THSD7A: variants seen among roughly 807,000 people sequenced by gnomAD.
THSD7A encodes the protein thrombospondin type 1 domain containing 7A, also known as thrombospondin type-1 domain-containing protein 7A.
THSD7A carries 96 observed loss-of-function variants against 231.3 expected under a neutral mutation model. The observed-to-expected ratio is 0.41, with a 90% confidence interval of 0.35 to 0.49. The LOEUF (loss-of-function observed/expected upper bound fraction) is 0.49. Ranked by LOEUF, THSD7A falls within the 20% of genes least tolerant of loss-of-function variation. The pLI, the probability that THSD7A is intolerant of heterozygous loss-of-function variation, is 0.05. For synonymous variants in THSD7A, 940 were observed against 743.3 expected (o/e 1.26, Z -4.30); for missense variants, 2,290 against 2,070.2 (o/e 1.11, Z -2.06).
In THSD7A at chr7:11,704,604, C is replaced by T. The variant is rs560016451; in HGVS notation, c.191-67643G>A. On this transcript the variant is annotated intron_variant, in intron 1 of 27. Coordinates refer to ENST00000423059, the MANE Select transcript of THSD7A (RefSeq NM_015204.3). ...GTGTTTCATAAAGGAGCATTTTTGCCAAGGGACCTTTGGAGAATATTTCTA... is the reference window on the plus strand; with the variant it reads ...GTGTTTCATAAAGGAGCATTTTTGCTAAGGGACCTTTGGAGAATATTTCTA... 2.7e-5 allele frequency among the ~76,000 whole-genome samples: 4 copies of T among 150,850 alleles called. No individual in the cohort carries two copies. The South Asian group carries it at 8.3e-4, about 31-fold the overall frequency.
intron 1 of THSD7A, among the ~76,000 whole-genome samples, chr7:11,758,938 T>C (rs1185907679): frequency 6.6e-6 from 1 of 152,078 alleles, no homozygotes; most frequent in Non-Finnish European, 1.5e-5. Flanking sequence ...CAGGCTGAAA[T>C]TGTTCTGCAG....
intron 2 of THSD7A, among the ~76,000 whole-genome samples, chr7:11,608,528 A>C (rs193298290): frequency 3.7e-4 from 56 of 152,264 alleles, no homozygotes; most frequent in Admixed American, 3.5e-3. Context: ...CGTTCACCTG[A>C]CCTGACCATT....
chr7:11,672,800 A>G (rs1298965998), intron 1 of THSD7A, among the ~76,000 whole-genome samples: 1 of 152,198 alleles, frequency 6.6e-6, no homozygotes, highest in Non-Finnish European at 1.5e-5. Context: ...AAATTCATCA[A>G]TCTTTTTTTC....
intron 2 of THSD7A, among the ~76,000 whole-genome samples, chr7:11,635,648 G>C (rs1463665354): frequency 6.6e-6 from 1 of 152,068 alleles, no homozygotes; most frequent in Non-Finnish European, 1.5e-5. Flanking sequence ...CAATGTGCAA[G>C]AAAATTATTC....
intron 23 of THSD7A, among the ~76,000 whole-genome samples, chr7:11,395,940 A>G (rs898523609): frequency 1.3e-5 from 2 of 152,000 alleles, no homozygotes; most frequent in Admixed American, 1.3e-4. Flanking sequence ...CATAACAAAC[A>G]GTCTCTCAGA....
intron 1 of THSD7A, among the ~76,000 whole-genome samples, chr7:11,694,612 T>C (rs1780332851): frequency 6.6e-6 from 1 of 151,488 alleles, no homozygotes; most frequent in South Asian, 2.1e-4. Flanking sequence ...TTTTGAAGGA[T>C]TGTTCATTAC....
At chr7:11,415,480 T>C (rs572411818) in intron 17 of THSD7A, among the ~76,000 whole-genome samples, 36 of 152,324 alleles carry the variant, frequency 2.4e-4, no homozygotes, top group African/African-American at 8.7e-4. Context: ...ATGCTATCAA[T>C]CACAAGCTTA....
Position 11,424,898 on chromosome 7 carries a change from A to G in THSD7A, c.3250-69T>C, listed in dbSNP as rs185079970. 2.5e-3 allele frequency: 3,962 copies of G among 1,567,180 alleles called. 8 individuals carry two copies. The highest frequency in any genetic ancestry group is 3.2e-3 in the Non-Finnish European group (3,683 of 1,147,202). ...GAGTGAGGAGGAAGACTTCCACACCATAACAGCAATCATTTCACTGTGAAG... is the reference window on the plus strand; with the variant it reads ...GAGTGAGGAGGAAGACTTCCACACCGTAACAGCAATCATTTCACTGTGAAG... On this transcript the variant is annotated intron_variant, in intron 15 of 27. Coordinates refer to ENST00000423059, the MANE Select transcript of THSD7A (RefSeq NM_015204.3).
At chr7:11,379,366 C>G in intron 25 of THSD7A, 86 bp from the exon 26 acceptor site, 1 of 1,377,328 alleles carries the variant, frequency 7.3e-7, no homozygotes, top group Non-Finnish European at 1.0e-6. Context: ...AGGCTTTAAA[C>G]AAGGTTTGTT....
At chr7:11,497,775 T>C (rs999602062) in intron 6 of THSD7A, among the ~76,000 whole-genome samples, 3 of 151,970 alleles carry the variant, frequency 2.0e-5, no homozygotes, top group Non-Finnish European at 2.9e-5. Flanking sequence ...GGTACTTGCA[T>C]TGGGATTAAT....
At chr7:11,635,498 T>C (rs1781801977) in intron 2 of THSD7A, among the ~76,000 whole-genome samples, 1 of 152,236 alleles carries the variant, frequency 6.6e-6, no homozygotes, top group South Asian at 2.1e-4. Flanking sequence ...GATAATTTGT[T>C]AAATAATTTC....
chr7:11,769,122 AATATAT>A (rs1219135740), intron 1 of THSD7A, among the ~76,000 whole-genome samples: 1 of 35,890 alleles, frequency 2.8e-5, no homozygotes. Context: ...AATTCCTGGC[AATATAT>A]ATATATATAT....
chr7:11,459,705 A>G lies in THSD7A; in HGVS notation c.2605+957T>C, dbSNP rs934708810. On this transcript the variant is annotated intron_variant, in intron 11 of 27. Transcript: ENST00000423059. ...TTTTTTTTTTTTTTTTTTTTTTACA[A>G]AACAGAAGCATTTTTTTCTTAAAAA... Among the ~76,000 whole-genome samples, 66 of 132,748 alleles carry G rather than the reference A, an allele frequency of 5.0e-4. 1 individual carries two copies. Among genetic ancestry groups the G allele is most frequent in the Non-Finnish European group, 6.1e-4 (39 of 64,334 alleles). 87.1% of individuals were successfully genotyped at this position (132,748 alleles called of 152,430 possible).
intron 2 of THSD7A, among the ~76,000 whole-genome samples, chr7:11,605,860 G>A (rs1420537699): frequency 6.6e-6 from 1 of 152,180 alleles, no homozygotes; most frequent in South Asian, 2.1e-4. Flanking sequence ...GTTGCTGCTG[G>A]CACACACTGC....
intron 2 of THSD7A, among the ~76,000 whole-genome samples, chr7:11,595,112 G>C (rs553565723): frequency 7.9e-4 from 120 of 152,286 alleles, no homozygotes; most frequent in African/African-American, 2.9e-3. Flanking sequence ...TGAGGCAACA[G>C]TGATGGCCTC....
At chr7:11,739,406 ATT>A (rs1782029212) in intron 1 of THSD7A, among the ~76,000 whole-genome samples, 1 of 151,960 alleles carries the variant, frequency 6.6e-6, no homozygotes, top group Non-Finnish European at 1.5e-5. Flanking sequence ...AAAGAAAACT[ATT>A]TATGAGAGCA....
In THSD7A at chr7:11,814,286, C is replaced by G. The variant is rs1784616586; in HGVS notation, c.190+17471G>C. On this transcript the variant is annotated intron_variant, in intron 1 of 27. Transcript: ENST00000423059. This position sits in a 1 kb window ranked among gnomAD's most constrained non-coding sequence, Gnocchi z 5.1. ...TGATTGCATGCTACGTGCATTCTAT[C>G]AAATAAAGCTGTTAAAAGAATGGCT... Among the ~76,000 whole-genome samples, 2 of 152,044 alleles carry G rather than the reference C, an allele frequency of 1.3e-5. No individual in the cohort carries two copies. The highest frequency in any genetic ancestry group is 2.1e-4 in the South Asian group (1 of 4,818).
chr7:11,698,563 C>A (rs1359908744), intron 1 of THSD7A, among the ~76,000 whole-genome samples: 1 of 151,422 alleles, frequency 6.6e-6, no homozygotes, highest in Admixed American at 6.6e-5. Flanking sequence ...ATTCCCACAG[C>A]TGCACAGAAG....
rs1452018246 is a variant in THSD7A, at chr7:11,406,554, C to A, written c.4063-80G>T. On this transcript the variant is annotated intron_variant, in intron 21 of 27. Transcript: ENST00000423059. The surrounding 1 kb of genome is among the most constrained non-coding windows in gnomAD (Gnocchi z 4.7). ...GCTCATCACTTAGTTATCTCTGCAC[C>A]ACTGACTTTGATTTATGAACATTTA... The A allele has an allele frequency of 2.9e-6, 4 of 1,377,602 alleles. No homozygotes were observed. In the Admixed American group the frequency reaches 1.1e-4, roughly 39 times the overall value. 85.3% of individuals were successfully genotyped at this position (1,377,602 alleles called of 1,614,324 possible). A position where few individuals can be genotyped will look rare whatever the true frequency, so the allele number is the denominator to read the frequency against.
Sources: allele counts gnomAD v4.1 joint callset (sites outside exome capture counted in the v4.1 genomes callset), GRCh38; gene constraint gnomAD v4.1.1; non-coding constraint Gnocchi (gnomAD v3.1); transcripts MANE v1.5; gene names NCBI Gene and HGNC (gene_info 2026-07-23, HGNC 2026-07-21).